The following CCNYL1 variants were observed in gnomAD, a reference collection of about 807,000 sequenced individuals.
CCNYL1 encodes cyclin Y like 1, also known as cyclin-Y-like protein 1.
A neutral mutation model predicts 44.2 loss-of-function variants in CCNYL1; 16 were observed. That is an observed-to-expected ratio of 0.36 (90% CI 0.25 to 0.55). The LOEUF (loss-of-function observed/expected upper bound fraction) is 0.55. CCNYL1 is among the 20% of genes least tolerant of loss of function. The probability of loss-of-function intolerance (pLI) is 0.85; values close to 1 mark genes in which losing one functional copy is unlikely to be tolerated. For synonymous variants in CCNYL1, 159 were observed against 163.2 expected (o/e 0.97, Z 0.20); for missense variants, 348 against 451.8 (o/e 0.77, Z 2.08).
intron 6 of CCNYL1, 120 bp from the exon 7 acceptor site, chr2:207,742,103 A>T: frequency 2.1e-6 from 2 of 949,498 alleles, no homozygotes; most frequent in Non-Finnish European, 3.1e-6. Context: ...GTGAGCCAAG[A>T]TCATGCCATT....
At chr2:207,735,239 A>G (rs956799291) in intron 4 of CCNYL1, among the ~76,000 whole-genome samples, 1 of 152,242 alleles carries the variant, frequency 6.6e-6, no homozygotes, top group African/African-American at 2.4e-5. Context: ...ACTACTGGTT[A>G]AATAAAGGTT....
intron 1 of CCNYL1, among the ~76,000 whole-genome samples, chr2:207,715,254 C>T (rs1575206802): frequency 7.0e-6 from 1 of 143,196 alleles, no homozygotes; most frequent in East Asian, 2.2e-4. Context: ...GACAGTGGAG[C>T]AAGACTCTGT....
chr2:207,726,420 G>A (rs1297000895), intron 2 of CCNYL1, among the ~76,000 whole-genome samples: 1 of 152,208 alleles, frequency 6.6e-6, no homozygotes, highest in Non-Finnish European at 1.5e-5. Flanking sequence ...CTAGAGATTG[G>A]CACCTAGCCA....
In CCNYL1 at chr2:207,754,186, T is replaced by C. The variant is rs1435118506; in HGVS notation, c.*488T>C. On this transcript the variant is annotated 3_prime_UTR_variant, in exon 10 of 10. Transcript: ENST00000295414. Reference sequence around the variant, plus strand: ...AGCCACTTAGGAGCAGACAGCAGCGTTGTTAGGTACTGAAGGGTTCTTCCT... The same window carrying C: ...AGCCACTTAGGAGCAGACAGCAGCGCTGTTAGGTACTGAAGGGTTCTTCCT... 1 of 150,516 alleles carries C rather than the reference T, an allele frequency of 6.6e-6. No homozygotes were observed. The highest frequency in any genetic ancestry group is 2.5e-5 in the African/African-American group (1 of 40,236). The allele number at this position is 150,516 out of a possible 1,614,324, so 9.3% of individuals were successfully genotyped here.
In CCNYL1 at chr2:207,754,240, C is replaced by CA. The variant is rs1385725501; in HGVS notation, c.*543dup. ...TACTGTTACCATTGAAGCTGCTAGTCATTGGCAATCATTTTAAACCAAAAA... is the reference window on the plus strand; with the variant it reads ...TACTGTTACCATTGAAGCTGCTAGTCAATTGGCAATCATTTTAAACCAAAAA... On this transcript the variant is annotated 3_prime_UTR_variant, in exon 10 of 10. Transcript: ENST00000295414. 1.3e-5 allele frequency: 2 copies of CA among 152,592 alleles called. No individual in the cohort carries two copies. The highest frequency in any genetic ancestry group is 1.3e-4 in the Admixed American group (2 of 15,274). 9.5% of individuals were successfully genotyped at this position (152,592 alleles called of 1,614,324 possible).
chr2:207,713,638 C>T (rs1003300843), intron 1 of CCNYL1, among the ~76,000 whole-genome samples: 3 of 152,130 alleles, frequency 2.0e-5, no homozygotes, highest in South Asian at 4.1e-4. Context: ...GTATAAATGC[C>T]AGAGATTTCA....
rs966145076 is a variant in CCNYL1, at chr2:207,753,527, T to C, written c.970-61T>C. 6 of 1,139,782 alleles carry C rather than the reference T, an allele frequency of 5.3e-6. No individual in the cohort carries two copies. In the African/African-American group the frequency reaches 9.2e-5, roughly 18 times the overall value. The allele number at this position is 1,139,782 out of a possible 1,614,324, so 70.6% of individuals were successfully genotyped here. A position where few individuals can be genotyped will look rare whatever the true frequency, so the allele number is the denominator to read the frequency against. On this transcript the variant is annotated intron_variant, in intron 9 of 9. Transcript: ENST00000295414. The stretch of plus-strand genomic sequence containing the variant: ...ATGTGTGGCTTTCACAATGGTGCTC[T>C]TTCAAAGGCGGGAACCCTTTTTAAA...
intron 9 of CCNYL1, among the ~76,000 whole-genome samples, chr2:207,752,064 G>A (rs975309099): frequency 2.8e-4 from 42 of 152,000 alleles, no homozygotes; most frequent in African/African-American, 9.4e-4. Context: ...CTTTGCGACT[G>A]TATTCCTAAT....
At chr2:207,719,291 T>C (rs958267206) in intron 1 of CCNYL1, among the ~76,000 whole-genome samples, 1 of 145,012 alleles carries the variant, frequency 6.9e-6, no homozygotes, top group Non-Finnish European at 1.5e-5. Flanking sequence ...TTATGTGGTA[T>C]ATAGCAATTG....
intron 6 of CCNYL1, among the ~76,000 whole-genome samples, chr2:207,741,299 T>C (rs1240872077): frequency 6.6e-6 from 1 of 152,056 alleles, no homozygotes; most frequent in African/African-American, 2.4e-5. Flanking sequence ...TCCTAACATA[T>C]GATTAGTAAG....
intron 7 of CCNYL1, among the ~76,000 whole-genome samples, chr2:207,744,906 GCA>G (rs1485888955): frequency 1.3e-5 from 2 of 152,208 alleles, no homozygotes; most frequent in African/African-American, 2.4e-5. Flanking sequence ...CAGGAATTGT[GCA>G]CAGTCTGGTG....
At position 207,712,007 on chromosome 2, in the gene CCNYL1, C is replaced by T. The variant is rs61747448; in HGVS notation, c.111C>T (p.Ser37=). 0.014 allele frequency: 20,262 copies of T among 1,479,176 alleles called. 192 individuals are homozygous for T. Among genetic ancestry groups the T allele is most frequent in the Middle Eastern group, 0.048 (211 of 4,354 alleles). The allele number at this position is 1,479,176 out of a possible 1,614,324, so 91.6% of individuals were successfully genotyped here. ...YCASDIYEAV[S]GDAVAVAPAV... Reference sequence around the variant, plus strand: ...CGTCCGACATCTACGAGGCGGTGTCCGGGGACGCGGTGGCGGTAGCGCCCG... The same window carrying T: ...CGTCCGACATCTACGAGGCGGTGTCTGGGGACGCGGTGGCGGTAGCGCCCG... Residue 37 remains serine (S), a synonymous_variant, in exon 1 of 10, where the codon TCC becomes TCT. Transcript: ENST00000295414.
chr2:207,726,111 T>C (rs1462345889), intron 2 of CCNYL1, among the ~76,000 whole-genome samples: 5 of 152,198 alleles, frequency 3.3e-5, no homozygotes, highest in Admixed American at 3.3e-4. Context: ...TATCCCATGC[T>C]CCTCTTTCTT....
chr2:207,718,975 TAAAA>T (rs567430818), intron 1 of CCNYL1, among the ~76,000 whole-genome samples: 2 of 138,856 alleles, frequency 1.4e-5, no homozygotes, highest in Admixed American at 1.5e-4. Context: ...ATGGAGCTGT[TAAAA>T]AAAAAAAAAA....
intron 3 of CCNYL1, among the ~76,000 whole-genome samples, chr2:207,730,923 T>A (rs1381355578): frequency 6.6e-6 from 1 of 152,192 alleles, no homozygotes. Flanking sequence ...TTATGGTCAA[T>A]CTGCCATGTT....
At chr2:207,720,558 G>T (rs140539646) in intron 1 of CCNYL1, among the ~76,000 whole-genome samples, 2 of 152,028 alleles carry the variant, frequency 1.3e-5, no homozygotes, top group Non-Finnish European at 2.9e-5. Context: ...ACAGGCATGT[G>T]CCTCCACACC....
At chr2:207,748,859 G>A (rs1481399011) in intron 8 of CCNYL1, among the ~76,000 whole-genome samples, 1 of 152,232 alleles carries the variant, frequency 6.6e-6, no homozygotes, top group African/African-American at 2.4e-5. Context: ...AGCAAAGGGT[G>A]TGACAGCAAA....
At chr2:207,751,250 GC>G in intron 9 of CCNYL1, 131 bp downstream of exon 9, 1 of 717,540 alleles carries the variant, frequency 1.4e-6, no homozygotes, top group Non-Finnish European at 2.2e-6. Flanking sequence ...GAGCTTATTA[GC>G]CCTTTGGCGT....
chr2:207,712,266 C>G (rs929649621), intron 1 of CCNYL1, 150 bp downstream of exon 1: 8 of 610,402 alleles, frequency 1.3e-5, no homozygotes, highest in South Asian at 1.0e-4. Flanking sequence ...CGTCCCCACC[C>G]CTTATTCTTG....
Sources: allele counts gnomAD v4.1 joint callset (sites outside exome capture counted in the v4.1 genomes callset), GRCh38; gene constraint gnomAD v4.1.1; transcripts MANE v1.5; gene names NCBI Gene and HGNC (gene_info 2026-07-23, HGNC 2026-07-21).